The following SLC3A1 variants were observed in gnomAD, a reference collection of about 807,000 sequenced individuals.
The protein encoded by SLC3A1 is amino acid transporter heavy chain SLC3A1.
In SLC3A1, 78 loss-of-function variants were observed where a neutral mutation model predicts 60.3. The ratio of observed to expected loss-of-function variants is 1.29; its 90% CI spans 1.08 to 1.56. SLC3A1 has a LOEUF of 1.56. Ranked by LOEUF, SLC3A1 falls within the 40% of genes most tolerant of loss-of-function variation. The pLI, the probability that SLC3A1 is intolerant of heterozygous loss-of-function variation, is 0.00. For synonymous variants in SLC3A1, 392 were observed against 307.9 expected (o/e 1.27, Z -2.86); for missense variants, 1,172 against 858.9 (o/e 1.36, Z -4.56).
chr2:44,280,196 A>G (rs914537074), intron 1 of SLC3A1, among the ~76,000 whole-genome samples: 5 of 152,120 alleles, frequency 3.3e-5, no homozygotes, highest in Non-Finnish European at 5.9e-5. Context: ...TTTTAATGCT[A>G]TGTTAAATGT....
intron 1 of SLC3A1, 47 bp downstream of exon 1, chr2:44,276,012 T>TTTA: frequency 6.4e-7 from 1 of 1,565,648 alleles, no homozygotes; most frequent in Non-Finnish European, 8.8e-7. Flanking sequence ...ATGAGATTGG[T>TTTA]TTATGGTTCT....
chr2:44,300,890 G>A (rs1671985746), intron 5 of SLC3A1, 113 bp from the exon 6 acceptor site: 3 of 1,181,142 alleles, frequency 2.5e-6, no homozygotes, highest in Admixed American at 1.8e-5. Flanking sequence ...ATGTTTGAGT[G>A]TGCGTCTCGC....
chr2:44,299,179 T>A (rs1341564473), intron 4 of SLC3A1, among the ~76,000 whole-genome samples: 1 of 151,822 alleles, frequency 6.6e-6, no homozygotes, highest in Non-Finnish European at 1.5e-5. Context: ...GCTGGGATTA[T>A]GGGCACCCGC....
intron 3 of SLC3A1, chr2:44,285,009 A>G (rs1456651064): frequency 6.6e-6 from 1 of 152,118 alleles, no homozygotes; most frequent in Non-Finnish European, 1.5e-5. Context: ...TTAAGTGTCC[A>G]TTTCTGTGAA....
rs1671966625 is a variant in SLC3A1 at position 44,300,168 on chromosome 2, T to C, written c.1011+78T>C. 2.1e-6 allele frequency: 3 copies of C among 1,420,606 alleles called. No homozygotes were observed. In the African/African-American group the frequency reaches 4.2e-5, roughly 20 times the overall value. The allele number at this position is 1,420,606 out of a possible 1,614,324, so 88.0% of individuals were successfully genotyped here. On this transcript the variant is annotated intron_variant, in intron 5 of 9. Coordinates refer to ENST00000260649, the MANE Select transcript of SLC3A1 (RefSeq NM_000341.4). ...GAGTGTTTTCTTTCTCAGCCTGAGA[T>C]ACCAGTTACAAAGATGAGTTTTGTC...
chr2:44,284,012 G>T (rs746196277), intron 3 of SLC3A1, among the ~76,000 whole-genome samples: 2 of 151,720 alleles, frequency 1.3e-5, no homozygotes, highest in Non-Finnish European at 2.9e-5. Context: ...GGCTACTTCC[G>T]TTTTTTTTAT....
intron 9 of SLC3A1, chr2:44,315,115 G>A (rs1246373007): frequency 6.6e-6 from 1 of 151,658 alleles, no homozygotes; most frequent in Non-Finnish European, 1.5e-5. Flanking sequence ...GCTAATTTTT[G>A]TATTTTTAGT....
rs778000327 is a variant in SLC3A1 at position 44,280,876 on chromosome 2, TG to T, written c.592del (p.Ala198GlnfsTer8). 66 of 1,614,016 alleles carry T rather than the reference TG, an allele frequency of 4.1e-5. No homozygotes were observed. The African/African-American group carries it at 7.9e-4, about 19-fold the overall frequency. ...CGATGGAAGATTTTGAGAATCTGGT[TG>T]CAGCCATACATGATAAAGGTAAGTT... ...GTMEDFENLV[A>X]AIHDKGLKLI... On this transcript the variant is annotated frameshift_variant, in exon 2 of 10. Transcript: ENST00000260649. LOFTEE classifies it high-confidence loss of function.
rs201421460 is a variant in SLC3A1 at position 44,285,384 on chromosome 2, CATT to C, written c.766-647_766-645del. 3.2e-3 allele frequency: 752 copies of C among 234,748 alleles called. 2 individuals are homozygous for C. The highest frequency in any genetic ancestry group is 8.4e-3 in the Admixed American group (173 of 20,594). The allele number at this position is 234,748 out of a possible 1,614,324, so 14.5% of individuals were successfully genotyped here. On this transcript the variant is annotated intron_variant, in intron 3 of 9. Transcript: ENST00000260649. ...AGGACAGAGCCCCATGAAACTCTCA[CATT>C]CAAGGGCCCACAGCGTTGACTTAAG...
chr2:44,317,329 G>A (rs1672507245), intron 9 of SLC3A1, among the ~76,000 whole-genome samples: 1 of 151,984 alleles, frequency 6.6e-6, no homozygotes, highest in African/African-American at 2.4e-5. Context: ...GGGCATAGTG[G>A]CACACACCTG....
At chr2:44,316,652 G>C (rs528592504) in intron 9 of SLC3A1, among the ~76,000 whole-genome samples, 2 of 152,180 alleles carry the variant, frequency 1.3e-5, no homozygotes, top group Non-Finnish European at 2.9e-5. Context: ...AAACTACTCA[G>C]AAAGAAACCA....
chr2:44,312,101 A>G (rs748059301), intron 7 of SLC3A1, among the ~76,000 whole-genome samples: 1 of 152,154 alleles, frequency 6.6e-6, no homozygotes, highest in Non-Finnish European at 1.5e-5. Context: ...CAAATAGAAA[A>G]CACTTTATAA....
chr2:44,304,058 T>C (rs1672087570), intron 6 of SLC3A1, 85 bp from the exon 7 acceptor site: 1 of 1,010,980 alleles, frequency 9.9e-7, no homozygotes. Context: ...CCCTACATCT[T>C]GTACATGCAA....
chr2:44,316,240 C>T (rs1038490810), intron 9 of SLC3A1: 2 of 152,146 alleles, frequency 1.3e-5, no homozygotes, highest in Admixed American at 6.5e-5. Context: ...CTGTAGAAAG[C>T]AGAGAAAATT....
intron 7 of SLC3A1, among the ~76,000 whole-genome samples, chr2:44,307,786 C>G (rs545969156): frequency 6.6e-6 from 1 of 152,200 alleles, no homozygotes; most frequent in Non-Finnish European, 1.5e-5. Flanking sequence ...GCTTTCATGT[C>G]ACTTTCTTGA....
rs777564297 is a variant in SLC3A1, at chr2:44,320,443, G to A, written c.1862G>A (p.Arg621Lys). The A allele has an allele frequency of 1.2e-6, 2 of 1,614,102 alleles. No homozygotes were observed. The highest frequency in any genetic ancestry group is 1.7e-5 in the Admixed American group (1 of 60,008). ...GGCCTTCCCGCTAAAATGAGAATAA[G>A]GTTAAGTACCAATTCTGCCGACAAA... ...ISGLPAKMRI[R>K]LSTNSADKGS... The change falls in exon 10 of 10, where the codon AGG becomes AAG. Residue 621 changes from arginine (R) to lysine (K), a missense_variant. Transcript: ENST00000260649.
intron 6 of SLC3A1, chr2:44,303,817 G>T (rs571875333): frequency 4.1e-6 from 2 of 485,644 alleles, no homozygotes. Context: ...ACCTATGAGT[G>T]AGAACATGCG....
intron 6 of SLC3A1, among the ~76,000 whole-genome samples, chr2:44,302,384 T>C (rs1672036766): frequency 6.6e-6 from 1 of 152,218 alleles, no homozygotes; most frequent in Non-Finnish European, 1.5e-5. Flanking sequence ...ATCATTAAGT[T>C]TACATAGATC....
chr2:44,303,962 T>C, intron 6 of SLC3A1, 181 bp from the exon 7 acceptor site: 1 of 677,688 alleles, frequency 1.5e-6, no homozygotes, highest in Non-Finnish European at 2.7e-6. Context: ...TGCCACATTT[T>C]CTTAATCCAG....
Sources: allele counts gnomAD v4.1 joint callset (sites outside exome capture counted in the v4.1 genomes callset), GRCh38; gene constraint gnomAD v4.1.1; transcripts MANE v1.5; gene names NCBI Gene and HGNC (gene_info 2026-07-23, HGNC 2026-07-21).